Variants in PPP2R2B observed in about 807,000 individuals in gnomAD.
PPP2R2B encodes protein phosphatase 2 regulatory subunit Bbeta.
In PPP2R2B, 5 loss-of-function variants were observed where a neutral mutation model predicts 46.0. The ratio of observed to expected loss-of-function variants is 0.11; its 90% CI spans 0.06 to 0.23. The LOEUF (loss-of-function observed/expected upper bound fraction) is 0.23, where lower values mean the gene tolerates loss of function less well. Among genes scored for constraint, PPP2R2B ranks in the 10% least tolerant of loss-of-function variants. The pLI, the probability that PPP2R2B is intolerant of heterozygous loss-of-function variation, is 1.00. For synonymous variants in PPP2R2B, 215 were observed against 206.7 expected (o/e 1.04, Z -0.34); for missense variants, 367 against 575.0 (o/e 0.64, Z 3.70).
At chr5:146,937,676 T>C (rs1010039687) in intron 1 of PPP2R2B, among the ~76,000 whole-genome samples, 2 of 152,146 alleles carry the variant, frequency 1.3e-5, no homozygotes, top group Non-Finnish European at 2.9e-5. Context: ...GAGCCGCAGT[T>C]ACACCTTCAC....
At chr5:146,993,872 T>A (rs2151863975) in intron 1 of PPP2R2B, among the ~76,000 whole-genome samples, 1 of 152,242 alleles carries the variant, frequency 6.6e-6, no homozygotes, top group South Asian at 2.1e-4. Flanking sequence ...GTTAGGATAC[T>A]ATAATAGTTA....
At chr5:146,673,233 C>A (rs1441923419) in intron 5 of PPP2R2B, among the ~76,000 whole-genome samples, 3 of 152,204 alleles carry the variant, frequency 2.0e-5, no homozygotes, top group Non-Finnish European at 4.4e-5. Context: ...TTTCCAGAAT[C>A]TATCTTACCA....
intron 2 of PPP2R2B, among the ~76,000 whole-genome samples, chr5:146,867,702 G>A (rs2151404192): frequency 6.6e-6 from 1 of 152,264 alleles, no homozygotes; most frequent in Middle Eastern, 3.4e-3. Context: ...ACAGGACACA[G>A]TTTCACGCAC....
upstream of PPP2R2B, among the ~76,000 whole-genome samples, chr5:146,883,465 A>T (rs1762231828): frequency 1.3e-5 from 2 of 152,234 alleles, no homozygotes; most frequent in Non-Finnish European, 2.9e-5. Flanking sequence ...TTAATGAACA[A>T]TTAGAAACTG....
chr5:146,848,455 G>T (rs1213147332), intron 2 of PPP2R2B, among the ~76,000 whole-genome samples: 1 of 152,078 alleles, frequency 6.6e-6, no homozygotes, highest in Non-Finnish European at 1.5e-5. Context: ...CAGTTTCTCA[G>T]ACTTACCTTA....
rs369464745 is a variant in PPP2R2B at position 146,585,259 on chromosome 5, T to TACACACACACACACATAC, written c.*4687_*4688insGTATGTGTGTGTGTGTGT. The stretch of plus-strand genomic sequence containing the variant: ...GATCAGTAACTTCCATCTACATGCA[T>TACACACACACACACATAC]ACACACACACACACACACACACACA... On this transcript the variant is annotated 3_prime_UTR_variant, in exon 10 of 10. Transcript: ENST00000394411. The TACACACACACACACATAC allele has an allele frequency of 2.7e-4, 35 of 129,954 alleles. No individual in the cohort carries two copies. The highest frequency in any genetic ancestry group is 1.0e-3 in the African/African-American group (34 of 32,382). 8.1% of individuals were successfully genotyped at this position (129,954 alleles called of 1,614,324 possible).
intron 1 of PPP2R2B, among the ~76,000 whole-genome samples, chr5:146,987,705 G>A (rs1753495136): frequency 6.6e-6 from 1 of 151,846 alleles, no homozygotes; most frequent in African/African-American, 2.4e-5. Flanking sequence ...AGTAAGAGAG[G>A]AATAAAGGAA....
At chr5:147,058,572 CT>C (rs1757161670), upstream of PPP2R2B, among the ~76,000 whole-genome samples, 1 of 152,094 alleles carries the variant, frequency 6.6e-6, no homozygotes, top group Admixed American at 6.6e-5. Flanking sequence ...CCAAATAGGC[CT>C]CTCCAAACCA....
At chr5:147,003,972 G>C (rs984193874) in intron 1 of PPP2R2B, among the ~76,000 whole-genome samples, 1 of 152,086 alleles carries the variant, frequency 6.6e-6, no homozygotes, top group Non-Finnish European at 1.5e-5. Context: ...AGTGAGCCCT[G>C]GGCCCTGAAC....
At chr5:146,859,647 G>A (rs191144733) in intron 2 of PPP2R2B, among the ~76,000 whole-genome samples, 2 of 152,158 alleles carry the variant, frequency 1.3e-5, no homozygotes, top group South Asian at 2.1e-4. Flanking sequence ...GCCAGTAAGC[G>A]TGGCAAACCC....
At chr5:147,069,260 G>A (rs574018792) in intron 2 of PPP2R2B, among the ~76,000 whole-genome samples, 58 of 152,242 alleles carry the variant, frequency 3.8e-4, no homozygotes, top group African/African-American at 1.3e-3. Flanking sequence ...AGAGCTCTAC[G>A]TCAGAAGCGA....
intron 2 of PPP2R2B, among the ~76,000 whole-genome samples, chr5:146,768,492 T>C (rs1754630029): frequency 6.6e-6 from 1 of 152,162 alleles, no homozygotes; most frequent in Non-Finnish European, 1.5e-5. Context: ...ACCAACCTCA[T>C]CTCTCACTGT....
chr5:146,793,916 T>C (rs1756366207), intron 2 of PPP2R2B, among the ~76,000 whole-genome samples: 2 of 152,190 alleles, frequency 1.3e-5, no homozygotes, highest in South Asian at 4.1e-4. Flanking sequence ...TCCCCACACT[T>C]AGTCAAATTC....
rs897420337 is a variant in PPP2R2B at position 146,916,133 on chromosome 5, G to A, written c.79+139532C>T. On this transcript the variant is annotated intron_variant, in intron 1 of 8. Coordinates refer to the PPP2R2B transcript ENST00000336640. Reference sequence around the variant, plus strand: ...GAGGTTTGTACAGCATCTGACCCACGGTTTGTACTTAAATATCTGTTTTGA... The same window carrying A: ...GAGGTTTGTACAGCATCTGACCCACAGTTTGTACTTAAATATCTGTTTTGA... Among the ~76,000 whole-genome samples, 8 of 152,084 alleles carry A rather than the reference G, an allele frequency of 5.3e-5. No individual in the cohort carries two copies. In the South Asian group the frequency reaches 1.0e-3, roughly 20 times the overall value.
intron 1 of PPP2R2B, among the ~76,000 whole-genome samples, chr5:147,002,757 A>G (rs1244688171): frequency 6.7e-6 from 1 of 148,552 alleles, no homozygotes; most frequent in African/African-American, 2.4e-5. Flanking sequence ...CTCGGGCAAG[A>G]GATGTTTCTG....
intron 1 of PPP2R2B, among the ~76,000 whole-genome samples, chr5:146,939,614 T>A (rs942923409): frequency 1.8e-4 from 27 of 152,332 alleles, no homozygotes; most frequent in Admixed American, 1.6e-3. Flanking sequence ...ACTGACTATA[T>A]CTATTTATGA....
intron 1 of PPP2R2B, among the ~76,000 whole-genome samples, chr5:146,940,610 C>G (rs878948063): frequency 6.6e-6 from 1 of 152,064 alleles, no homozygotes; most frequent in African/African-American, 2.4e-5. Context: ...TGAATGCCAC[C>G]TCTACCCTTT....
At chr5:146,714,839 T>G (rs770793924) in intron 2 of PPP2R2B, among the ~76,000 whole-genome samples, 1 of 152,052 alleles carries the variant, frequency 6.6e-6, no homozygotes, top group African/African-American at 2.4e-5. Context: ...TCTCTCCCTC[T>G]CCCCTGACCT....
At chr5:147,024,216 T>G (rs1755424199) in intron 1 of PPP2R2B, among the ~76,000 whole-genome samples, 1 of 148,910 alleles carries the variant, frequency 6.7e-6, no homozygotes, top group Non-Finnish European at 1.5e-5. Context: ...CTACTGGTTC[T>G]GTTTCTCTGG....
Sources: gnomAD v4.1 joint callset for allele counts (sites outside exome capture counted in the v4.1 genomes callset) on GRCh38, gnomAD v4.1.1 for gene constraint, MANE v1.5 for transcripts, NCBI Gene and HGNC (gene_info 2026-07-23, HGNC 2026-07-21) for gene names.